The following NEDD4L variants were observed in gnomAD, a reference collection of about 807,000 sequenced individuals.
NEDD4L encodes E3 ubiquitin-protein ligase NEDD4-like.
Under a neutral mutation model 148.9 loss-of-function variants are expected in NEDD4L, and 54 were observed. The observed-to-expected ratio is 0.36, with a 90% CI of 0.29 to 0.45. NEDD4L has a LOEUF of 0.45. NEDD4L is among the 20% of genes least tolerant of loss of function. The pLI is 1.00. For synonymous variants in NEDD4L, 433 were observed against 440.7 expected, an observed-to-expected ratio of 0.98 and a Z score of 0.22; for missense variants, 856 against 1,233.8, an observed-to-expected ratio of 0.69 and a Z score of 4.59.
intron 2 of NEDD4L, among the ~76,000 whole-genome samples, chr18:58,210,496 T>G (rs1014761972): frequency 1.3e-5 from 2 of 152,214 alleles, no homozygotes; most frequent in African/African-American, 4.8e-5. Flanking sequence ...TTGCCCAGGC[T>G]GGAGTGCAAC....
chr18:58,226,021 A>G (rs777922838), intron 2 of NEDD4L, among the ~76,000 whole-genome samples: 6 of 152,236 alleles, frequency 3.9e-5, no homozygotes, highest in Non-Finnish European at 8.8e-5. Flanking sequence ...AGAAAACAAG[A>G]AAACCAACCT....
intron 5 of NEDD4L, among the ~76,000 whole-genome samples, chr18:58,287,649 T>TA (rs2054131775): frequency 6.6e-6 from 1 of 152,244 alleles, no homozygotes; most frequent in Non-Finnish European, 1.5e-5. Flanking sequence ...TATGCGGTCT[T>TA]ACAGAGGTCT....
At chr18:58,135,124 C>T (rs968899833) in intron 1 of NEDD4L, among the ~76,000 whole-genome samples, 3 of 151,886 alleles carry the variant, frequency 2.0e-5, no homozygotes, top group Non-Finnish European at 4.4e-5. Context: ...CAAGGGCTGG[C>T]CGCCTTATTT....
chr18:58,345,015 A>G (rs1406164906), intron 16 of NEDD4L, among the ~76,000 whole-genome samples: 1 of 152,248 alleles, frequency 6.6e-6, no homozygotes, highest in South Asian at 2.1e-4. Flanking sequence ...ATTTTAAATT[A>G]AACAGCACTC....
chr18:58,346,002 T>G (rs977716138), intron 16 of NEDD4L, among the ~76,000 whole-genome samples: 3 of 151,602 alleles, frequency 2.0e-5, no homozygotes, highest in African/African-American at 7.3e-5. Flanking sequence ...CAAGTGATCC[T>G]GCCGCTTCGG....
intron 1 of NEDD4L, among the ~76,000 whole-genome samples, chr18:58,143,811 C>T (rs949534431): frequency 2.6e-5 from 4 of 152,046 alleles, no homozygotes; most frequent in Admixed American, 1.3e-4. Context: ...AGAGAGGGAC[C>T]GAGGGCCAGC....
At chr18:58,187,218 G>T (rs1230390019) in intron 2 of NEDD4L, among the ~76,000 whole-genome samples, 4 of 152,182 alleles carry the variant, frequency 2.6e-5, no homozygotes, top group Non-Finnish European at 5.9e-5. Context: ...TGCTTCAAAT[G>T]AGCTGGCTCT....
chr18:58,144,886 TA>T, intron 1 of NEDD4L, among the ~76,000 whole-genome samples: 1 of 152,254 alleles, frequency 6.6e-6, no homozygotes, highest in East Asian at 1.9e-4. Flanking sequence ...GAGTAAATAT[TA>T]ATACATGTGC....
chr18:58,336,970 AC>A (rs2041858705), intron 13 of NEDD4L, among the ~76,000 whole-genome samples: 1 of 152,110 alleles, frequency 6.6e-6, no homozygotes, highest in Non-Finnish European at 1.5e-5. Context: ...TCTGTATATC[AC>A]CTATTTTTGT....
rs188694816 is a variant in NEDD4L at position 58,145,596 on chromosome 18, A to C, written c.49-20192A>C. Among the ~76,000 whole-genome samples the C allele has an allele frequency of 1.6e-3, 246 of 151,968 alleles. 2 individuals are homozygous for C. The highest frequency in any genetic ancestry group is 2.7e-3 in the Admixed American group (41 of 15,256). Reference sequence around the variant, plus strand: ...ATAAGGGTAATTACTACTCTAGCCAATTTTATCAAACCTATGGATGTTTAA... The same window carrying C: ...ATAAGGGTAATTACTACTCTAGCCACTTTTATCAAACCTATGGATGTTTAA... On this transcript the variant is annotated intron_variant, in intron 1 of 30. Coordinates refer to ENST00000400345, the MANE Select transcript of NEDD4L (RefSeq NM_001144967.3).
At chr18:58,295,067 CA>C (rs1333050955) in intron 5 of NEDD4L, among the ~76,000 whole-genome samples, 25 of 152,192 alleles carry the variant, frequency 1.6e-4, no homozygotes, top group Admixed American at 1.6e-3. Flanking sequence ...CAGCATCCCC[CA>C]CCAGAGTGGT....
chr18:58,327,207 C>T (rs1041922246), intron 9 of NEDD4L, among the ~76,000 whole-genome samples: 1 of 152,220 alleles, frequency 6.6e-6, no homozygotes, highest in Admixed American at 6.5e-5. Context: ...AAGCGATTCT[C>T]CTGCCTTGGC....
At chr18:58,057,170 G>A (rs944713505) in intron 1 of NEDD4L, among the ~76,000 whole-genome samples, 1 of 151,844 alleles carries the variant, frequency 6.6e-6, no homozygotes, top group Admixed American at 6.6e-5. Flanking sequence ...AAATGCACAT[G>A]CTCCCTTTCT....
intron 13 of NEDD4L, among the ~76,000 whole-genome samples, chr18:58,339,067 TTAAGGTTTCCAGAGC>T (rs2042118476): frequency 1.3e-5 from 2 of 151,972 alleles, no homozygotes; most frequent in Admixed American, 1.3e-4. Context: ...AAAAATATCC[TTAAGGTTTCCAGAGC>T]TAAGGTTTCC....
At chr18:58,285,536 TA>T (rs1413680309) in intron 5 of NEDD4L, among the ~76,000 whole-genome samples, 23 of 152,186 alleles carry the variant, frequency 1.5e-4, no homozygotes, top group African/African-American at 5.1e-4. Flanking sequence ...TTTCATTAGC[TA>T]TACAAAGGTG....
At chr18:58,274,247 C>T (rs1429373553) in intron 5 of NEDD4L, among the ~76,000 whole-genome samples, 2 of 152,246 alleles carry the variant, frequency 1.3e-5, no homozygotes, top group Non-Finnish European at 2.9e-5. Flanking sequence ...TCCGTCTCCA[C>T]ACTCCTGAGA....
intron 19 of NEDD4L, among the ~76,000 whole-genome samples, chr18:58,363,923 T>A (rs2045808328): frequency 1.3e-5 from 2 of 152,218 alleles, no homozygotes; most frequent in African/African-American, 4.8e-5. Flanking sequence ...CAATAACTCT[T>A]ACCTAAACCA....
intron 2 of NEDD4L, among the ~76,000 whole-genome samples, chr18:58,234,045 TTTTCTTTCTTTCTTTCTTTCTTTCTTTC>T (rs1156456436): frequency 8.5e-6 from 1 of 117,876 alleles, no homozygotes; most frequent in Non-Finnish European, 1.8e-5. Context: ...ATTTCTTTCC[TTTTCTTTCTTTCTTTCTTTCTTTCTTTC>T]TTTCTTTCTT....
chr18:58,092,721 G>A (rs1165506016), intron 1 of NEDD4L, among the ~76,000 whole-genome samples: 2 of 151,504 alleles, frequency 1.3e-5, no homozygotes. Flanking sequence ...AGAGCATGAA[G>A]GCAACAGCAC....
Sources: gnomAD v4.1 joint callset for allele counts (sites outside exome capture counted in the v4.1 genomes callset) on GRCh38, gnomAD v4.1.1 for gene constraint, MANE v1.5 for transcripts, NCBI Gene and HGNC (gene_info 2026-07-23, HGNC 2026-07-21) for gene names.